Variants in ARFGEF3 observed in about 807,000 individuals in gnomAD.
ARFGEF3 encodes brefeldin A-inhibited guanine nucleotide-exchange protein 3.
Under a neutral mutation model 221.7 loss-of-function variants are expected in ARFGEF3, and 96 were observed. The observed-to-expected ratio is 0.43, with a 90% CI of 0.37 to 0.51. The LOEUF (loss-of-function observed/expected upper bound fraction) is 0.51, where lower values mean the gene tolerates loss of function less well. ARFGEF3 is among the 20% of genes least tolerant of loss of function. ARFGEF3 has a pLI of 0.00. For missense variants in ARFGEF3, 2,410 were observed against 2,789.9 expected, an observed-to-expected ratio of 0.86 and a Z score of 3.07; for synonymous variants, 1,145 against 1,126.8, an observed-to-expected ratio of 1.02 and a Z score of -0.32.
rs1057163486 is a variant in ARFGEF3 at position 138,173,384 on chromosome 6, C to G, written c.137+2671C>G. On this transcript the variant is annotated intron_variant, in intron 2 of 33. Coordinates refer to ENST00000251691, the MANE Select transcript of ARFGEF3 (RefSeq NM_020340.5). The stretch of plus-strand genomic sequence containing the variant: ...GTAAAAGAGTTTGATAAACTCTGCT[C>G]TAAAGGTTGTTTCCTCATCCAAAGT... Among the ~76,000 whole-genome samples the G allele has an allele frequency of 2.0e-5, 3 of 152,120 alleles. No individual in the cohort carries two copies. The East Asian group carries it at 5.8e-4, about 29-fold the overall frequency.
Position 138,323,772 on chromosome 6 carries a change from A to C in ARFGEF3, c.4868A>C (p.Lys1623Thr). Residue 1623 changes from lysine (K) to threonine (T), a missense_variant and splice_region_variant, in exon 30 of 34, where the codon AAG becomes ACG. Around this residue, in one of 5 missense-constraint regions of ARFGEF3, gnomAD observed 723 missense variants for 991.9 expected, o/e 0.73. Coordinates refer to ENST00000251691, the MANE Select transcript of ARFGEF3 (RefSeq NM_020340.5). ...TTCTCTGCCACACTCAAGCCAGTGA[A>C]GGTACATCACTGGGAGGAAGCCCTC... Reference protein sequence around the residue: ...DAFSATLKPVKDLLGCFHSGT... With the variant: ...DAFSATLKPVTDLLGCFHSGT... The C allele has an allele frequency of 6.2e-7, 1 of 1,612,780 alleles. No homozygotes were observed. The highest frequency in any genetic ancestry group is 8.5e-7 in the Non-Finnish European group (1 of 1,178,812).
intron 20 of ARFGEF3, 25 bp downstream of exon 20, chr6:138,294,151 T>C: frequency 6.2e-7 from 1 of 1,610,494 alleles, no homozygotes; most frequent in East Asian, 2.2e-5. Context: ...GAATAAACCA[T>C]ATGCCAGGAA....
intron 2 of ARFGEF3, among the ~76,000 whole-genome samples, chr6:138,192,120 A>T (rs1179315376): frequency 5.9e-5 from 9 of 152,150 alleles, no homozygotes; most frequent in Admixed American, 5.9e-4. Flanking sequence ...TCCCACCCAA[A>T]GCCTGCCCTT....
intron 10 of ARFGEF3, among the ~76,000 whole-genome samples, chr6:138,257,668 A>T (rs1778710494): frequency 6.6e-6 from 1 of 152,170 alleles, no homozygotes; most frequent in Admixed American, 6.5e-5. Flanking sequence ...CTCACATTGC[A>T]GCGCAAATGA....
intron 20 of ARFGEF3, among the ~76,000 whole-genome samples, chr6:138,295,553 C>T (rs550118440): frequency 1.6e-4 from 24 of 151,070 alleles, no homozygotes; most frequent in African/African-American, 5.6e-4. Flanking sequence ...TTGCTTGAAC[C>T]CGGGAGGTGG....
chr6:138,229,663 T>C (rs1030221649), intron 4 of ARFGEF3, 121 bp from the exon 5 acceptor site: 1 of 740,730 alleles, frequency 1.4e-6, no homozygotes, highest in Non-Finnish European at 2.3e-6. Context: ...AAAGAAATAT[T>C]AGGTAAAGCA....
intron 2 of ARFGEF3, among the ~76,000 whole-genome samples, chr6:138,177,073 A>G (rs1186925781): frequency 7.2e-6 from 1 of 138,312 alleles, no homozygotes; most frequent in Admixed American, 7.1e-5. Flanking sequence ...TTATTTATTT[A>G]TTTATTTATT....
intron 24 of ARFGEF3, among the ~76,000 whole-genome samples, chr6:138,310,022 A>G (rs149613113): frequency 9.9e-4 from 151 of 152,302 alleles, no homozygotes; most frequent in African/African-American, 2.8e-3. Context: ...AAAATAAACC[A>G]TCACATAGAG....
At chr6:138,242,024 CT>C (rs1243907441) in intron 6 of ARFGEF3, among the ~76,000 whole-genome samples, 1 of 152,206 alleles carries the variant, frequency 6.6e-6, no homozygotes, top group African/African-American at 2.4e-5. Context: ...CTCAACTTGA[CT>C]TTAGCCATTC....
Position 138,319,835 on chromosome 6 carries a change from C to G in ARFGEF3, c.4607C>G (p.Ser1536Cys). ...AATTTCAAGCACGCTATTGGTCTGT[C>G]CTGTGAGCTGGTGGTGGAGCACATT... The part of the protein sequence containing the change: ...SANFKHAIGL[S>C]CELVVEHIQS... Residue 1536 changes from serine to cysteine, a missense_variant, in exon 28 of 34, where the codon TCC becomes TGC. Physicochemically the swap from Ser to Cys is moderately radical, Grantham distance 112 (BLOSUM62 -1). Coordinates refer to ENST00000251691, the MANE Select transcript of ARFGEF3 (RefSeq NM_020340.5). 6.2e-7 allele frequency: 1 copy of G among 1,614,000 alleles called. No homozygotes were observed. The highest frequency in any genetic ancestry group is 8.5e-7 in the Non-Finnish European group (1 of 1,179,886).
At chr6:138,326,500 G>A (rs548990881) in intron 31 of ARFGEF3, among the ~76,000 whole-genome samples, 12 of 152,078 alleles carry the variant, frequency 7.9e-5, no homozygotes, top group Admixed American at 5.2e-4. Flanking sequence ...ACATACATGC[G>A]GCCAACATAT....
chr6:138,269,200 C>T (rs769304403), intron 12 of ARFGEF3, among the ~76,000 whole-genome samples: 2 of 152,258 alleles, frequency 1.3e-5, no homozygotes, highest in South Asian at 2.1e-4. Context: ...GACCTGCAAC[C>T]TCTGCCCAGC....
intron 32 of ARFGEF3, among the ~76,000 whole-genome samples, chr6:138,332,030 C>T (rs1780236354): frequency 6.6e-6 from 1 of 150,838 alleles, no homozygotes; most frequent in South Asian, 2.1e-4. Context: ...TGAAGATATT[C>T]CACAATTCAG....
At chr6:138,213,562 G>A (rs1777776870) in intron 4 of ARFGEF3, among the ~76,000 whole-genome samples, 1 of 151,140 alleles carries the variant, frequency 6.6e-6, no homozygotes, top group African/African-American at 2.4e-5. Flanking sequence ...AAGATATTAT[G>A]TTAAATAAAA....
chr6:138,165,849 T>C (rs1776714693), intron 1 of ARFGEF3, among the ~76,000 whole-genome samples: 1 of 152,200 alleles, frequency 6.6e-6, no homozygotes. Flanking sequence ...ATTTAGACCA[T>C]ATCAAGAAAG....
chr6:138,231,793 T>G (rs1778197651), intron 5 of ARFGEF3, among the ~76,000 whole-genome samples: 1 of 152,196 alleles, frequency 6.6e-6, no homozygotes. Context: ...GGATGTGTAC[T>G]TAAGCATGAA....
intron 4 of ARFGEF3, among the ~76,000 whole-genome samples, chr6:138,225,836 A>G (rs1006636150): frequency 5.3e-5 from 8 of 152,258 alleles, no homozygotes; most frequent in African/African-American, 1.9e-4. Context: ...TGGAATAGCT[A>G]CCATGAACTA....
intron 22 of ARFGEF3, among the ~76,000 whole-genome samples, chr6:138,301,930 G>A (rs1004908080): frequency 3.9e-5 from 6 of 152,068 alleles, no homozygotes; most frequent in South Asian, 4.2e-4. Flanking sequence ...ACACATGAGC[G>A]CCATGGGAAG....
rs1778979218 is a variant in ARFGEF3, at chr6:138,270,292, A to G, written c.2128+6681A>G. On this transcript the variant is annotated intron_variant, in intron 12 of 33. Coordinates refer to ENST00000251691, the MANE Select transcript of ARFGEF3 (RefSeq NM_020340.5). ...AAAAACCAACTATGGATTCAGAGTT[A>G]TCCTTATTGTAATGTCATTGGTGAA... 2.0e-5 allele frequency among the ~76,000 whole-genome samples: 3 copies of G among 152,216 alleles called. No homozygotes were observed. In the South Asian group the frequency reaches 6.2e-4, roughly 32 times the overall value.
Sources: gnomAD v4.1 joint callset for allele counts (sites outside exome capture counted in the v4.1 genomes callset) on GRCh38, gnomAD v4.1.1 for gene constraint, gnomAD v4.1.1 regional missense constraint, MANE v1.5 for transcripts, NCBI Gene and HGNC (gene_info 2026-07-23, HGNC 2026-07-21) for gene names.